The following STAU1 variants were observed in gnomAD, a reference collection of about 807,000 sequenced individuals.
The protein encoded by STAU1 is staufen double-stranded RNA binding protein 1.
Under a neutral mutation model 62.9 loss-of-function variants are expected in STAU1, and 13 were observed. That is an observed-to-expected ratio of 0.21 (90% CI 0.13 to 0.33). The LOEUF is 0.33. Among genes scored for constraint, STAU1 ranks in the 10% least tolerant of loss-of-function variants. The pLI is 1.00. For synonymous variants in STAU1, 269 were observed against 265.1 expected, an observed-to-expected ratio of 1.01 and a Z score of -0.14; for missense variants, 571 against 712.1, an observed-to-expected ratio of 0.80 and a Z score of 2.25.
chr20:49,173,928 A>G (rs1221003208), intron 2 of STAU1, among the ~76,000 whole-genome samples: 1 of 152,236 alleles, frequency 6.6e-6, no homozygotes, highest in Non-Finnish European at 1.5e-5. Flanking sequence ...AAGCTTATTG[A>G]GCCAGTCATG....
the STAU1 span, chr20:49,210,404 A>G: frequency 2.2e-6 from 1 of 455,846 alleles, no homozygotes; most frequent in South Asian, 1.6e-5. Context: ...CAGGGGGCAA[A>G]TGTGTTTCTT....
intron 3 of STAU1, among the ~76,000 whole-genome samples, chr20:49,157,806 G>T (rs56131635): frequency 6.6e-6 from 1 of 151,554 alleles, no homozygotes; most frequent in South Asian, 2.1e-4. Context: ...TAATTTTTGC[G>T]GAGGCAGGGT....
At chr20:49,185,637 T>TG (rs1327736782) in intron 1 of STAU1, among the ~76,000 whole-genome samples, 2 of 152,114 alleles carry the variant, frequency 1.3e-5, no homozygotes, top group East Asian at 1.9e-4. Flanking sequence ...CTAGTTTGTG[T>TG]GGGGGGATAC....
chr20:49,162,439 G>A (rs534743113), intron 3 of STAU1, among the ~76,000 whole-genome samples: 1 of 152,298 alleles, frequency 6.6e-6, no homozygotes, highest in South Asian at 2.1e-4. Flanking sequence ...GGGTGGCATG[G>A]AAGATGCCAC....
chr20:49,214,517 C>CAAA, the STAU1 span, among the ~76,000 whole-genome samples: 27 of 119,136 alleles, frequency 2.3e-4, no homozygotes, highest in South Asian at 5.7e-4. Context: ...GATTCCGTCT[C>CAAA]AAAAAAAAAA....
chr20:49,176,115 T>G (rs2093657789), intron 1 of STAU1, among the ~76,000 whole-genome samples: 1 of 152,180 alleles, frequency 6.6e-6, no homozygotes, highest in Non-Finnish European at 1.5e-5. Flanking sequence ...TAAAAGGAAC[T>G]GTACATTACA....
At chr20:49,148,331 T>C (rs937617357) in intron 5 of STAU1, among the ~76,000 whole-genome samples, 1 of 152,178 alleles carries the variant, frequency 6.6e-6, no homozygotes, top group Non-Finnish European at 1.5e-5. Flanking sequence ...AAAATAAAAT[T>C]ACATTCAGGC....
chr20:49,125,089 A>AAAAC (rs2092565693), intron 6 of STAU1, among the ~76,000 whole-genome samples: 2 of 149,964 alleles, frequency 1.3e-5, no homozygotes, highest in Non-Finnish European at 1.5e-5. Flanking sequence ...AAAAAAAAAA[A>AAAAC]AACCCACAAA....
intron 6 of STAU1, among the ~76,000 whole-genome samples, chr20:49,125,213 A>AAAAACAAC (rs1234536808): frequency 6.8e-6 from 1 of 146,700 alleles, no homozygotes; most frequent in Non-Finnish European, 1.5e-5. Context: ...AAAAAAAAAA[A>AAAAACAAC]AAAAAAAAAA....
At chr20:49,155,608 T>C (rs982312727) in intron 3 of STAU1, among the ~76,000 whole-genome samples, 1 of 152,234 alleles carries the variant, frequency 6.6e-6, no homozygotes, top group Non-Finnish European at 1.5e-5. Context: ...GACCTGATTC[T>C]GTACTATAAC....
chr20:49,154,096 CTGTT>C, intron 3 of STAU1, 25 bp from the exon 4 acceptor site: 6 of 1,580,944 alleles, frequency 3.8e-6, no homozygotes, highest in African/African-American at 1.4e-5. Context: ...CGACAAAGAA[CTGTT>C]TTTTTCTGGT....
At position 49,161,797 on chromosome 20, in the gene STAU1, G is replaced by A. The variant is rs563696252; in HGVS notation, c.205+4200C>T. ...AATGGAAGGTCTACAAATGTAGGCA[G>A]CCATGATACAAAACTGCAAATCATT... On this transcript the variant is annotated intron_variant, in intron 3 of 13. Transcript: ENST00000371856. Among the ~76,000 whole-genome samples the A allele has an allele frequency of 3.9e-5, 6 of 152,300 alleles. No homozygotes were observed. The East Asian group carries it at 1.2e-3, about 29-fold the overall frequency.
At chr20:49,124,671 G>T in intron 6 of STAU1, 84 bp from the exon 7 acceptor site, 1 of 1,424,234 alleles carries the variant, frequency 7.0e-7, no homozygotes, top group South Asian at 1.2e-5. Context: ...ACTTCACACA[G>T]ACACAGGGAA....
Position 49,188,244 on chromosome 20 carries a change from G to A in STAU1, c.-288C>T, listed in dbSNP as rs1268128397. The stretch of plus-strand genomic sequence containing the variant: ...AGGGAAGAGGCGGAGTGGCCGTGGA[G>A]GAGGCGGGCGCCGCCGGGCCGGGGG... On this transcript the variant is annotated 5_prime_UTR_variant, in exon 1 of 14. Transcript: ENST00000371856. The A allele has an allele frequency of 7.8e-6, 1 of 128,448 alleles. No homozygotes were observed. The highest frequency in any genetic ancestry group is 2.1e-4 in the East Asian group (1 of 4,800). 8.0% of individuals were successfully genotyped at this position (128,448 alleles called of 1,614,324 possible).
At chr20:49,196,459 AAGAAG>A in the STAU1 span, among the ~76,000 whole-genome samples, 1 of 144,746 alleles carries the variant, frequency 6.9e-6, no homozygotes, top group African/African-American at 2.6e-5. Context: ...AAAAAAAAAA[AAGAAG>A]AAGAAGAAGA....
the STAU1 span, among the ~76,000 whole-genome samples, chr20:49,210,205 G>C: frequency 2.0e-5 from 3 of 152,106 alleles, no homozygotes; most frequent in Non-Finnish European, 4.4e-5. Context: ...TGGATCTCCT[G>C]TTTCCTGAAT....
intron 8 of STAU1, 64 bp downstream of exon 8, chr20:49,123,028 G>T: frequency 6.7e-7 from 1 of 1,489,690 alleles, no homozygotes; most frequent in Non-Finnish European, 8.9e-7. Flanking sequence ...ACCTTGAACC[G>T]CCATCAGCCC....
Position 49,117,264 on chromosome 20 carries a change from G to A in STAU1, c.1510-16C>T. ...TGTATTCAACCTAAGGGGGAAAAGA[G>A]AGCTGAGGCTAGGTAGGGAACAGCA... is the stretch of plus-strand genomic sequence containing the variant. On this transcript the variant is annotated splice_polypyrimidine_tract_variant and intron_variant, in intron 11 of 13. Transcript: ENST00000371856. This position sits in a 1 kb window ranked among gnomAD's most constrained non-coding sequence, Gnocchi z 4.6. 1 of 1,613,810 alleles carries A rather than the reference G, an allele frequency of 6.2e-7. No individual in the cohort carries two copies. Among genetic ancestry groups the A allele is most frequent in the African/African-American group, 1.3e-5 (1 of 75,054 alleles).
chr20:49,135,811 C>T, intron 6 of STAU1, 22 bp downstream of exon 6: 1 of 1,581,432 alleles, frequency 6.3e-7, no homozygotes, highest in South Asian at 1.1e-5. Flanking sequence ...AATACAAAGT[C>T]CTACATGTAA....
Sources: allele counts gnomAD v4.1 joint callset (sites outside exome capture counted in the v4.1 genomes callset), GRCh38; gene constraint gnomAD v4.1.1; non-coding constraint Gnocchi (gnomAD v3.1); transcripts MANE v1.5; gene names NCBI Gene and HGNC (gene_info 2026-07-23, HGNC 2026-07-21).